UBR4: variants seen among roughly 807,000 people sequenced by gnomAD.
UBR4 encodes E3 ubiquitin-protein ligase UBR4.
A neutral mutation model predicts 575.6 loss-of-function variants in UBR4; 124 were observed. That is an observed-to-expected ratio of 0.22 (90% CI 0.19 to 0.25). UBR4 has a LOEUF of 0.25. UBR4 is among the 10% of genes least tolerant of loss of function. The pLI is 1.00. For synonymous variants in UBR4, 2,455 were observed against 2,473.7 expected (o/e 0.99, Z 0.22); for missense variants, 4,818 against 6,478.8 (o/e 0.74, Z 8.80).
intron 83 of UBR4, 96 bp downstream of exon 83, chr1:19,106,473 A>T: frequency 7.1e-7 from 1 of 1,401,240 alleles, no homozygotes. Context: ...GAAAGAAGAG[A>T]TGGCAGTGCA....
chr1:19,178,567 A>T (rs1265801300), intron 18 of UBR4, among the ~76,000 whole-genome samples: 2 of 152,362 alleles, frequency 1.3e-5, no homozygotes, highest in Non-Finnish European at 2.9e-5. Context: ...AGGAAAACAA[A>T]CTGCTTTGAA....
intron 11 of UBR4, among the ~76,000 whole-genome samples, chr1:19,190,082 T>A (rs2091921240): frequency 6.6e-6 from 1 of 150,678 alleles, no homozygotes; most frequent in Non-Finnish European, 1.5e-5. Flanking sequence ...AGGCCAGGAG[T>A]TCAATACCAG....
At chr1:19,149,495 T>A (rs2085345887) in intron 49 of UBR4, among the ~76,000 whole-genome samples, 1 of 152,078 alleles carries the variant, frequency 6.6e-6, no homozygotes, top group Admixed American at 6.5e-5. Context: ...CCCCTTTTCA[T>A]CCACTTAGAA....
chr1:19,094,263 G>A, intron 94 of UBR4, 124 bp from the exon 95 acceptor site: 2 of 649,292 alleles, frequency 3.1e-6, no homozygotes, highest in Non-Finnish European at 2.6e-6. Context: ...GAAGAACTAT[G>A]TCTCGGCACT....
At chr1:19,180,190 T>C (rs1466311753) in intron 17 of UBR4, among the ~76,000 whole-genome samples, 1 of 149,758 alleles carries the variant, frequency 6.7e-6, no homozygotes, top group Non-Finnish European at 1.5e-5. Context: ...TGTTCTTTAT[T>C]TATTTATTTT....
At position 19,086,777 on chromosome 1, in the gene UBR4, G is replaced by A; in HGVS notation, c.14589C>T (p.Ala4863=). ...LGIYTFTKRV[A]LEEMENKPRK... is the part of the protein sequence containing the mutation. The stretch of plus-strand genomic sequence containing the variant: ...GGGGCTTATTCTCCATCTCCTCCAA[G>A]GCTACCCGCTTCGTGAAGGTATAAA... Residue 4863 remains alanine (A), a synonymous_variant, in exon 100 of 106, where the codon GCC becomes GCT. Transcript: ENST00000375254. The A allele has an allele frequency of 1.2e-6, 2 of 1,614,188 alleles. No homozygotes were observed. The highest frequency in any genetic ancestry group is 8.5e-7 in the Non-Finnish European group (1 of 1,180,022).
At chr1:19,119,938 T>C (rs1433547609) in intron 69 of UBR4, among the ~76,000 whole-genome samples, 2 of 152,190 alleles carry the variant, frequency 1.3e-5, no homozygotes, top group Non-Finnish European at 2.9e-5. Flanking sequence ...GGGTCAAGCT[T>C]GGTCATGTTA....
In UBR4 at chr1:19,113,842, G is replaced by A. The variant is rs1347735212; in HGVS notation, c.11329-15C>T. On this transcript the variant is annotated splice_polypyrimidine_tract_variant and intron_variant, in intron 76 of 105. Transcript: ENST00000375254. ...CCTGAGTCATCCTGCAACCCCAAGAGGTAAGCTGTCAGGCTCCCCACCTAA... is the reference window on the plus strand; with the variant it reads ...CCTGAGTCATCCTGCAACCCCAAGAAGTAAGCTGTCAGGCTCCCCACCTAA... 30 of 1,614,030 alleles carry A rather than the reference G, an allele frequency of 1.9e-5. No individual in the cohort carries two copies. Among genetic ancestry groups the A allele is most frequent in the Admixed American group, 5.0e-5 (3 of 60,000 alleles).
chr1:19,159,620 T>TGA (rs1269315231), intron 39 of UBR4, among the ~76,000 whole-genome samples: 1 of 151,014 alleles, frequency 6.6e-6, no homozygotes. Flanking sequence ...TTTTTTTTTT[T>TGA]GAGAGAGAGT....
At chr1:19,204,173 AT>A (rs1207328332) in intron 1 of UBR4, among the ~76,000 whole-genome samples, 6 of 147,932 alleles carry the variant, frequency 4.1e-5, no homozygotes, top group African/African-American at 5.0e-5. Context: ...TAATTTTTGT[AT>A]TTTTTTTTTA....
At chr1:19,086,856 A>G in intron 99 of UBR4, 35 bp from the exon 100 acceptor site, 1 of 1,610,428 alleles carries the variant, frequency 6.2e-7, no homozygotes. Context: ...AGGGGAGGAG[A>G]AACTCCAAGT....
In UBR4 at chr1:19,164,964, AG is replaced by A; in HGVS notation, c.4345del (p.Leu1449SerfsTer23). Reference protein sequence around the residue: ...EKSPNPSLLHLCGSLAQLACV... With the variant: ...EKSPNPSLLHXCGSLAQLACV... ...GGCCAGTTGTGCCAGGGAGCCACAG[AG>A]ATGCAACAGGCTCGGGTTAGGGCTC... On this transcript the variant is annotated frameshift_variant, in exon 32 of 106. Coordinates refer to ENST00000375254, the MANE Select transcript of UBR4 (RefSeq NM_020765.3). LOFTEE classifies it high-confidence loss of function. The A allele has an allele frequency of 6.2e-7, 1 of 1,614,156 alleles. No homozygotes were observed. Among genetic ancestry groups the A allele is most frequent in the South Asian group, 1.1e-5 (1 of 91,080 alleles).
rs1168806074 is a variant in UBR4 at position 19,088,406 on chromosome 1, T to C, written c.14430+353A>G. 6.6e-6 allele frequency among the ~76,000 whole-genome samples: 1 copy of C among 152,250 alleles called. No homozygotes were observed. Among genetic ancestry groups the C allele is most frequent in the African/African-American group, 2.4e-5 (1 of 41,474 alleles). On this transcript the variant is annotated intron_variant, in intron 98 of 105. Transcript: ENST00000375254. This position sits in a 1 kb window ranked among gnomAD's most constrained non-coding sequence, Gnocchi z 4.0. The stretch of plus-strand genomic sequence containing the variant: ...TTGTGTCAACCACTTATTAGTTATG[T>C]GCCTTGGCCTATTTACTTCACCTCT...
At position 19,106,641 on chromosome 1, in the gene UBR4, C is replaced by T. The variant is rs367760570; in HGVS notation, c.12321G>A (p.Gln4107=). The change falls in exon 83 of 106, where the codon CAG becomes CAA. Residue 4107 remains glutamine (Q), a synonymous_variant. Coordinates refer to ENST00000375254, the MANE Select transcript of UBR4 (RefSeq NM_020765.3). The part of the protein sequence containing the change: ...LTEKYVWRWK[Q]FLSRRGKRTS... ...TCCTCTTCCCCCGACGACTCAGGAA[C>T]TGTTTCCACCTCCACACATACTTCT... 1.2e-6 allele frequency: 2 copies of T among 1,609,094 alleles called. No individual in the cohort carries two copies. The highest frequency in any genetic ancestry group is 2.7e-5 in the African/African-American group (2 of 74,686).
At chr1:19,084,196 G>C (rs999729594) in intron 102 of UBR4, among the ~76,000 whole-genome samples, 1 of 152,208 alleles carries the variant, frequency 6.6e-6, no homozygotes, top group South Asian at 2.1e-4. Context: ...CGAAGTAGAG[G>C]CTTCAGTGGC....
intron 49 of UBR4, among the ~76,000 whole-genome samples, chr1:19,149,138 C>T (rs1041575193): frequency 6.6e-6 from 1 of 152,192 alleles, no homozygotes; most frequent in Non-Finnish European, 1.5e-5. Context: ...CAATTGCCAA[C>T]ATTCAAGGGG....
At chr1:19,094,474 A>G (rs927460586) in intron 94 of UBR4, among the ~76,000 whole-genome samples, 2 of 152,198 alleles carry the variant, frequency 1.3e-5, no homozygotes, top group Non-Finnish European at 2.9e-5. Flanking sequence ...AGGAAATTAC[A>G]GGCATAGCAG....
chr1:19,140,879 ACTG>A lies in UBR4; in HGVS notation c.8499_8501del (p.Ser2834del), dbSNP rs768524010. 4.3e-6 allele frequency: 7 copies of A among 1,609,876 alleles called. No individual in the cohort carries two copies. Among genetic ancestry groups the A allele is most frequent in the Admixed American group, 1.7e-5 (1 of 59,682 alleles). On this transcript the variant is annotated inframe_deletion, in exon 58 of 106. Transcript: ENST00000375254. ...GTCCCAGGCTCTGCAGGCCCAGGGC[ACTG>A]CTGCTGCTGCCTGGGAAACAAGTGG...
At chr1:19,156,991 C>T (rs969990824) in intron 40 of UBR4, 66 bp from the exon 41 acceptor site, 1 of 1,548,170 alleles carries the variant, frequency 6.5e-7, no homozygotes, top group African/African-American at 1.4e-5. Context: ...AAGCAAGTAA[C>T]AAAAACTCTT....
Sources: allele counts gnomAD v4.1 joint callset (sites outside exome capture counted in the v4.1 genomes callset), GRCh38; gene constraint gnomAD v4.1.1; non-coding constraint Gnocchi (gnomAD v3.1); transcripts MANE v1.5; gene names NCBI Gene and HGNC (gene_info 2026-07-23, HGNC 2026-07-21).